Variants in BEND7 observed in about 807,000 individuals in gnomAD.
BEND7 encodes the protein BEN domain containing 7.
Under a neutral mutation model 50.9 loss-of-function variants are expected in BEND7, and 28 were observed. That is an observed-to-expected ratio of 0.55 (90% confidence interval 0.41 to 0.75). BEND7 has a LOEUF of 0.75. BEND7 is among the 30% of genes least tolerant of loss of function. BEND7 has a pLI of 0.00. For synonymous variants in BEND7, 170 were observed against 183.9 expected (o/e 0.92, Z 0.61); for missense variants, 477 against 491.3 (o/e 0.97, Z 0.28).
intron 6 of BEND7, chr10:13,460,201 G>A (rs1346905356): frequency 6.5e-6 from 1 of 153,386 alleles, no homozygotes; most frequent in Admixed American, 6.5e-5. Flanking sequence ...TCAGCCGGCA[G>A]GGAGGAGAGG....
chr10:13,452,738 G>A, intron 6 of BEND7, 80 bp from the exon 7 acceptor site: 21 of 1,329,894 alleles, frequency 1.6e-5, no homozygotes, highest in Admixed American at 2.4e-5. Context: ...ATTCTAAAAA[G>A]AAAAAAAAGT....
intron 2 of BEND7, among the ~76,000 whole-genome samples, chr10:13,501,938 G>T (rs2077504300): frequency 6.6e-6 from 1 of 151,814 alleles, no homozygotes; most frequent in Admixed American, 6.6e-5. Flanking sequence ...GTAAGATAAA[G>T]AAAAGGCTAA....
At chr10:13,497,226 C>T (rs999731397) in intron 3 of BEND7, among the ~76,000 whole-genome samples, 5 of 152,172 alleles carry the variant, frequency 3.3e-5, no homozygotes, top group South Asian at 2.1e-4. Context: ...AAAACTCACT[C>T]GAAACACACT....
chr10:13,501,586 C>T (rs1389063415), intron 2 of BEND7, among the ~76,000 whole-genome samples: 2 of 151,844 alleles, frequency 1.3e-5, no homozygotes, highest in South Asian at 2.1e-4. Flanking sequence ...GTGGCTCACA[C>T]GTGTAATCCC....
At chr10:13,452,478 T>A (rs1454700287) in intron 7 of BEND7, 61 bp downstream of exon 7, 1 of 1,514,374 alleles carries the variant, frequency 6.6e-7, no homozygotes, top group East Asian at 2.3e-5. Flanking sequence ...AGTATTGTAC[T>A]TTATAAAGTC....
At chr10:13,452,938 T>G (rs1838099732) in intron 6 of BEND7, among the ~76,000 whole-genome samples, 1 of 152,222 alleles carries the variant, frequency 6.6e-6, no homozygotes, top group East Asian at 1.9e-4. Flanking sequence ...CATGTGTATG[T>G]GTCTTATAGG....
At chr10:13,528,107 CA>C (rs2079546218) in intron 1 of BEND7, among the ~76,000 whole-genome samples, 1 of 152,090 alleles carries the variant, frequency 6.6e-6, no homozygotes, top group Non-Finnish European at 1.5e-5. Flanking sequence ...CCCCAGAAAA[CA>C]AAAACAGCAA....
intron 6 of BEND7, among the ~76,000 whole-genome samples, chr10:13,464,349 G>A (rs2074012980): frequency 6.6e-6 from 1 of 152,214 alleles, no homozygotes; most frequent in Non-Finnish European, 1.5e-5. Flanking sequence ...AGAATGTGCT[G>A]AGATGGACAA....
At chr10:13,473,294 G>A (rs1316631552) in intron 6 of BEND7, among the ~76,000 whole-genome samples, 14 of 151,976 alleles carry the variant, frequency 9.2e-5, no homozygotes, top group Non-Finnish European at 2.1e-4. Flanking sequence ...GAGACTTGGG[G>A]CTGGTATCCG....
At chr10:13,527,279 A>C (rs751323328) in intron 1 of BEND7, among the ~76,000 whole-genome samples, 1 of 152,252 alleles carries the variant, frequency 6.6e-6, no homozygotes, top group Non-Finnish European at 1.5e-5. Flanking sequence ...GAATGCGTGA[A>C]ACTATTTCAG....
At chr10:13,498,751 T>C (rs1393178820) in intron 3 of BEND7, among the ~76,000 whole-genome samples, 2 of 152,186 alleles carry the variant, frequency 1.3e-5, no homozygotes, top group Non-Finnish European at 2.9e-5. Context: ...GAGGAGTCTT[T>C]AAAGAGCTGT....
At chr10:13,471,560 A>C (rs1373712088) in intron 6 of BEND7, among the ~76,000 whole-genome samples, 1 of 152,272 alleles carries the variant, frequency 6.6e-6, no homozygotes, top group African/African-American at 2.4e-5. Flanking sequence ...TCTGTGCTAG[A>C]GTCTGGAAAT....
At chr10:13,439,127 T>A (rs933732752), downstream of BEND7, 6 of 1,484,358 alleles carry the variant, frequency 4.0e-6, no homozygotes, top group Non-Finnish European at 5.5e-6. Context: ...CAGATTCCAG[T>A]GGAAAGATGG....
chr10:13,505,455 G>A (rs187415957), intron 2 of BEND7, among the ~76,000 whole-genome samples: 10 of 152,252 alleles, frequency 6.6e-5, no homozygotes, highest in African/African-American at 2.4e-4. Context: ...TACTGGCCAT[G>A]GGTTCCTTTC....
At chr10:13,521,144 C>T (rs2079052380) in intron 2 of BEND7, among the ~76,000 whole-genome samples, 3 of 152,120 alleles carry the variant, frequency 2.0e-5, no homozygotes, top group African/African-American at 7.2e-5. Context: ...CTCTCTGGGT[C>T]TCCTCGACCT....
chr10:13,480,551 C>T (rs1284717128), intron 6 of BEND7: 2 of 776,158 alleles, frequency 2.6e-6, no homozygotes, highest in African/African-American at 1.9e-5. Flanking sequence ...TAGCTTTATT[C>T]TCATAACTCA....
chr10:13,460,108 C>T (rs145812511), intron 6 of BEND7: 84 of 152,726 alleles, frequency 5.5e-4, no homozygotes, highest in African/African-American at 2.0e-3. Flanking sequence ...GCCAGCGATG[C>T]TAAAATGTCA....
chr10:13,518,294 G>GCAGGCTA (rs2132615289), intron 2 of BEND7, among the ~76,000 whole-genome samples: 1 of 152,330 alleles, frequency 6.6e-6, no homozygotes, highest in South Asian at 2.1e-4. Flanking sequence ...CGAGCAGGCT[G>GCAGGCTA]CAGGCTGCAT....
chr10:13,508,400 C>G (rs575278495), intron 2 of BEND7, among the ~76,000 whole-genome samples: 2 of 152,176 alleles, frequency 1.3e-5, no homozygotes, highest in Non-Finnish European at 2.9e-5. Flanking sequence ...GAGGAGACTG[C>G]GCCAGAACCC....
Sources: gnomAD v4.1 joint callset for allele counts (sites outside exome capture counted in the v4.1 genomes callset) on GRCh38, gnomAD v4.1.1 for gene constraint, MANE v1.5 for transcripts, NCBI Gene and HGNC (gene_info 2026-07-23, HGNC 2026-07-21) for gene names.